SRBD1: variants seen among roughly 807,000 people sequenced by gnomAD.
SRBD1 encodes S1 RNA binding domain 1.
SRBD1 carries 88 observed loss-of-function variants against 115.3 expected under a neutral mutation model. The ratio of observed to expected loss-of-function variants is 0.76; its 90% CI spans 0.64 to 0.91. The LOEUF is 0.91. SRBD1 is among the 40% of genes least tolerant of loss of function. The probability of loss-of-function intolerance (pLI) is 0.00; values close to 1 mark genes in which losing one functional copy is unlikely to be tolerated. For synonymous variants in SRBD1, 509 were observed against 407.7 expected, an observed-to-expected ratio of 1.25 and a Z score of -2.99; for missense variants, 1,385 against 1,177.4, an observed-to-expected ratio of 1.18 and a Z score of -2.58.
chr2:45,556,512 G>A (rs61527610), intron 10 of SRBD1, among the ~76,000 whole-genome samples: 60,348 of 140,616 alleles, frequency 0.43, 13,331 homozygotes, highest in Non-Finnish European at 0.5. Context: ...ACCCAGGCTG[G>A]AGTGCAGAGG....
intron 16 of SRBD1, among the ~76,000 whole-genome samples, chr2:45,422,590 G>A (rs888527239): frequency 2.0e-5 from 3 of 152,198 alleles, no homozygotes; most frequent in East Asian, 1.9e-4. Context: ...TATCATGTGA[G>A]AGGAATACAA....
chr2:45,539,330 T>G (rs1373319059), intron 14 of SRBD1, among the ~76,000 whole-genome samples: 1 of 152,142 alleles, frequency 6.6e-6, no homozygotes, highest in Non-Finnish European at 1.5e-5. Flanking sequence ...CATTTTATTT[T>G]CAAGTTTCAT....
intron 16 of SRBD1, among the ~76,000 whole-genome samples, chr2:45,432,754 G>T (rs1004399813): frequency 6.6e-6 from 1 of 152,004 alleles, no homozygotes; most frequent in Non-Finnish European, 1.5e-5. Context: ...TCTCTCTTTC[G>T]AATTCAAGGA....
At chr2:45,574,197 T>C (rs1472884196) in intron 8 of SRBD1, among the ~76,000 whole-genome samples, 2 of 152,184 alleles carry the variant, frequency 1.3e-5, no homozygotes, top group East Asian at 3.8e-4. Context: ...CTTTTATTCA[T>C]ATCTGATATT....
intron 12 of SRBD1, among the ~76,000 whole-genome samples, chr2:45,548,684 A>T (rs1672196066): frequency 6.6e-6 from 1 of 151,026 alleles, no homozygotes; most frequent in African/African-American, 2.4e-5. Flanking sequence ...CAACATAGTA[A>T]AGGACAAAAG....
chr2:45,589,538 C>T (rs1572814473), intron 4 of SRBD1, among the ~76,000 whole-genome samples: 1 of 152,170 alleles, frequency 6.6e-6, no homozygotes, highest in East Asian at 1.9e-4. Context: ...AATCCATGGG[C>T]TCCCACTACC....
intron 16 of SRBD1, among the ~76,000 whole-genome samples, chr2:45,472,111 A>T (rs576592288): frequency 1.1e-3 from 161 of 152,242 alleles, no homozygotes; most frequent in Non-Finnish European, 1.5e-3. Flanking sequence ...AAAATATCTC[A>T]CACACCCACA....
At chr2:45,475,428 G>C (rs1007418578) in intron 16 of SRBD1, among the ~76,000 whole-genome samples, 21 of 152,160 alleles carry the variant, frequency 1.4e-4, no homozygotes, top group African/African-American at 5.1e-4. Context: ...ACCCCCCCTT[G>C]CTTAAACCTC....
intron 16 of SRBD1, among the ~76,000 whole-genome samples, chr2:45,441,241 T>A (rs1296330386): frequency 1.3e-5 from 2 of 152,178 alleles, no homozygotes; most frequent in Non-Finnish European, 2.9e-5. Context: ...TACATAACCA[T>A]GGCGACAGAG....
chr2:45,512,601 A>G (rs1671003018), intron 14 of SRBD1, among the ~76,000 whole-genome samples: 1 of 152,196 alleles, frequency 6.6e-6, no homozygotes, highest in South Asian at 2.1e-4. Flanking sequence ...GAACAGAAAG[A>G]CAATCATTGT....
At chr2:45,549,374 C>T (rs1247043789) in intron 12 of SRBD1, among the ~76,000 whole-genome samples, 1 of 150,746 alleles carries the variant, frequency 6.6e-6, no homozygotes, top group African/African-American at 2.4e-5. Context: ...CTTGCCTGAC[C>T]CAGCTTCTAC....
At chr2:45,581,128 G>A (rs116183289) in intron 6 of SRBD1, among the ~76,000 whole-genome samples, 5 of 152,012 alleles carry the variant, frequency 3.3e-5, no homozygotes, top group Admixed American at 1.3e-4. Flanking sequence ...TCTTCATTCT[G>A]CCAAACTTCT....
intron 16 of SRBD1, among the ~76,000 whole-genome samples, chr2:45,425,343 A>C (rs918737964): frequency 1.2e-4 from 18 of 152,200 alleles, no homozygotes; most frequent in African/African-American, 3.9e-4. Context: ...ATATGACTTT[A>C]TGCAGTATCT....
At chr2:45,606,810 C>T (rs79961829) in intron 1 of SRBD1, among the ~76,000 whole-genome samples, 12,763 of 152,136 alleles carry the variant, frequency 0.084, 649 homozygotes, top group South Asian at 0.18. Flanking sequence ...TACCATAAAA[C>T]CATCAAACTA....
Position 45,573,223 on chromosome 2 carries a change from T to C in SRBD1, c.1289A>G (p.Asn430Ser), listed in dbSNP as rs760326903. The C allele has an allele frequency of 4.4e-6, 7 of 1,608,616 alleles. No individual in the cohort carries two copies. In the African/African-American group the frequency reaches 6.7e-5, roughly 15 times the overall value. ...TTTATTTACCTGATGATGGTGAATG[T>C]TTCTTATGTTGCAGGAAAAATGCTG... Reference protein sequence around the residue: ...LYQHFSCNIRNIHHHQILAIN... With the variant: ...LYQHFSCNIRSIHHHQILAIN... The change falls in exon 9 of 21, where the codon AAC becomes AGC. Residue 430 changes from asparagine to serine, a missense_variant. Asn to Ser is a conservative substitution (Grantham distance 46, BLOSUM62 1). Coordinates refer to ENST00000263736, the MANE Select transcript of SRBD1 (RefSeq NM_018079.5).
intron 14 of SRBD1, among the ~76,000 whole-genome samples, chr2:45,537,744 C>A (rs1158485862): frequency 6.6e-6 from 1 of 152,144 alleles, no homozygotes; most frequent in East Asian, 1.9e-4. Context: ...TCATCCATCA[C>A]ATGCCAAGTG....
intron 16 of SRBD1, among the ~76,000 whole-genome samples, chr2:45,437,822 G>C (rs1668545358): frequency 6.6e-6 from 1 of 152,080 alleles, no homozygotes; most frequent in Non-Finnish European, 1.5e-5. Context: ...AATAACATAG[G>C]AGAAAATCTA....
chr2:45,424,460 C>G (rs1341849521), intron 16 of SRBD1, among the ~76,000 whole-genome samples: 1 of 152,128 alleles, frequency 6.6e-6, no homozygotes, highest in African/African-American at 2.4e-5. Flanking sequence ...ATGCTCATAG[C>G]ATTGTCCTCA....
intron 15 of SRBD1, among the ~76,000 whole-genome samples, chr2:45,485,095 C>T (rs960667802): frequency 7.2e-5 from 11 of 152,162 alleles, no homozygotes; most frequent in African/African-American, 2.7e-4. Context: ...TGGAGACATG[C>T]CTAGGAGTGA....
Sources: allele counts gnomAD v4.1 joint callset (sites outside exome capture counted in the v4.1 genomes callset), GRCh38; gene constraint gnomAD v4.1.1; transcripts MANE v1.5; gene names NCBI Gene and HGNC (gene_info 2026-07-23, HGNC 2026-07-21).